ELFN1: variants seen among roughly 807,000 people sequenced by gnomAD.
The protein encoded by ELFN1 is extracellular leucine rich repeat and fibronectin type III domain containing 1, also known as protein ELFN1.
In ELFN1, 6 loss-of-function variants were observed where a neutral mutation model predicts 7.6. The ratio of observed to expected loss-of-function variants is 0.79; its 90% CI spans 0.43 to 1.56. The LOEUF is 1.56. ELFN1 is among the 40% of genes most tolerant of loss of function. The pLI is 0.01. For missense variants in ELFN1, 1,169 were observed against 1,232.2 expected (o/e 0.95, Z 0.77); for synonymous variants, 657 against 588.1 (o/e 1.12, Z -1.70).
intron 2 of ELFN1, among the ~76,000 whole-genome samples, chr7:1,703,756 G>C (rs879351283): frequency 6.6e-6 from 1 of 152,198 alleles, no homozygotes; most frequent in African/African-American, 2.4e-5. Context: ...GGCAGCCTCT[G>C]CCTGAGTTTC....
chr7:1,708,408 C>A (rs1250542100), intron 2 of ELFN1, among the ~76,000 whole-genome samples: 1 of 152,200 alleles, frequency 6.6e-6, no homozygotes, highest in Non-Finnish European at 1.5e-5. Flanking sequence ...CACTGACCAG[C>A]CCAAGGTCTG....
In ELFN1 at chr7:1,681,911, A is replaced by T. The variant is rs557572799; in HGVS notation, c.-548-6147A>T. On this transcript the variant is annotated intron_variant, in intron 1 of 3. Coordinates refer to ENST00000424383, the MANE Select transcript of ELFN1 (RefSeq NM_001128636.4). ...ATATTTCTTCTTTGATAAAATGTCT[A>T]TTCAAATCTCTTGCCCATATTTAAT... 4.6e-5 allele frequency among the ~76,000 whole-genome samples: 7 copies of T among 152,302 alleles called. No individual in the cohort carries two copies. The South Asian group carries it at 1.5e-3, about 32-fold the overall frequency.
chr7:1,666,507 G>A (rs193122329), upstream of ELFN1, among the ~76,000 whole-genome samples: 11 of 152,180 alleles, frequency 7.2e-5, no homozygotes, highest in African/African-American at 2.4e-4. This position sits in a 1 kb window ranked among gnomAD's most constrained non-coding sequence, Gnocchi z 7.9. Context: ...AGCCTGGGCC[G>A]GACAAACTTC....
intron 3 of ELFN1, among the ~76,000 whole-genome samples, chr7:1,718,775 C>T (rs563119957): frequency 1.3e-5 from 2 of 152,206 alleles, no homozygotes; most frequent in South Asian, 2.1e-4. Flanking sequence ...CCTCCCTGGC[C>T]GTGTTGGTTC....
chr7:1,670,240 G>T (rs1778736865), upstream of ELFN1, among the ~76,000 whole-genome samples: 2 of 151,568 alleles, frequency 1.3e-5, no homozygotes, highest in African/African-American at 4.8e-5. This position sits in a 1 kb window ranked among gnomAD's most constrained non-coding sequence, Gnocchi z 6.4. Context: ...GCGGGGCCGC[G>T]CGCGCAGATC....
At chr7:1,736,860 G>A (rs1780461856) in intron 3 of ELFN1, among the ~76,000 whole-genome samples, 1 of 152,128 alleles carries the variant, frequency 6.6e-6, no homozygotes, top group African/African-American at 2.4e-5. Context: ...ACGGGAGAGG[G>A]TCTCCCAGGA....
chr7:1,705,347 G>A lies in ELFN1; in HGVS notation c.-455-3744G>A, dbSNP rs1458999955. ...ATTTGTTTTGCTGATATAAGTGTTT[G>A]AAATGCAAATGTCAAGTTTGGGCGC... On this transcript the variant is annotated intron_variant, in intron 2 of 3. Transcript: ENST00000424383. This position sits in a 1 kb window ranked among gnomAD's most constrained non-coding sequence, Gnocchi z 4.3. 6.6e-6 allele frequency among the ~76,000 whole-genome samples: 1 copy of A among 152,244 alleles called. No homozygotes were observed. Among genetic ancestry groups the A allele is most frequent in the Non-Finnish European group, 1.5e-5 (1 of 68,044 alleles).
At chr7:1,679,481 C>A (rs138727563) in intron 1 of ELFN1, among the ~76,000 whole-genome samples, 2,197 of 152,268 alleles carry the variant, frequency 0.014, 30 homozygotes, top group Non-Finnish European at 0.019. Flanking sequence ...CTGCAGGTTG[C>A]TGGCTGAGGG....
rs1039986024 is a variant in ELFN1, at chr7:1,695,170, G to A, written c.-456+7020G>A. ...TGGCTCCAGAGCTCATGCGCAGCCCGCTGGGGCTGTGAGGGTTCTGTCCAT... is the reference window on the plus strand; with the variant it reads ...TGGCTCCAGAGCTCATGCGCAGCCCACTGGGGCTGTGAGGGTTCTGTCCAT... On this transcript the variant is annotated intron_variant, in intron 2 of 3. Coordinates refer to ENST00000424383, the MANE Select transcript of ELFN1 (RefSeq NM_001128636.4). This position sits in a 1 kb window ranked among gnomAD's most constrained non-coding sequence, Gnocchi z 5.1. Among the ~76,000 whole-genome samples, 12 of 152,200 alleles carry A rather than the reference G, an allele frequency of 7.9e-5. No homozygotes were observed. The highest frequency in any genetic ancestry group is 2.6e-4 in the Admixed American group (4 of 15,282).
In ELFN1 at chr7:1,747,116, A is replaced by G; in HGVS notation, c.*33A>G. 4 of 1,439,554 alleles carry G rather than the reference A, an allele frequency of 2.8e-6. No individual in the cohort carries two copies. Among genetic ancestry groups the G allele is most frequent in the African/African-American group, 1.5e-5 (1 of 68,964 alleles). The allele number at this position is 1,439,554 out of a possible 1,614,324, so 89.2% of individuals were successfully genotyped here. Reference sequence around the variant, plus strand: ...AAGACCGGCGATGCCCACTGGACCAAAAAGGATGCAGGATCCACCCAGAGA... The same window carrying G: ...AAGACCGGCGATGCCCACTGGACCAGAAAGGATGCAGGATCCACCCAGAGA... On this transcript the variant is annotated 3_prime_UTR_variant, in exon 4 of 4. Transcript: ENST00000424383.
At chr7:1,726,361 G>A (rs1037579183) in intron 3 of ELFN1, among the ~76,000 whole-genome samples, 1 of 152,218 alleles carries the variant, frequency 6.6e-6, no homozygotes, top group African/African-American at 2.4e-5. Flanking sequence ...GCCCTTTGAA[G>A]CCTAAATGAG....
intron 3 of ELFN1, among the ~76,000 whole-genome samples, chr7:1,738,013 A>T (rs1381356039): frequency 2.0e-5 from 3 of 152,184 alleles, no homozygotes; most frequent in Admixed American, 2.0e-4. Context: ...CAGTCCTGGG[A>T]CAGGCAGATG....
intron 1 of ELFN1, among the ~76,000 whole-genome samples, chr7:1,674,282 G>T (rs1583305344): frequency 1.3e-5 from 2 of 152,172 alleles, no homozygotes; most frequent in African/African-American, 4.8e-5. Context: ...ATGGAGGCTG[G>T]TCCACACAGC....
chr7:1,724,441 T>C (rs1050125850), intron 3 of ELFN1, among the ~76,000 whole-genome samples: 5 of 152,146 alleles, frequency 3.3e-5, no homozygotes, highest in Non-Finnish European at 7.4e-5. Flanking sequence ...GCTGGCTACG[T>C]GGGTGTGAGT....
rs758037742 is a variant in ELFN1 at position 1,744,797 on chromosome 7, C to T, written c.201C>T (p.Leu67=). The T allele has an allele frequency of 4.5e-6, 7 of 1,557,912 alleles. No individual in the cohort carries two copies. Among genetic ancestry groups the T allele is most frequent in the Non-Finnish European group, 5.2e-6 (6 of 1,150,296 alleles). ...QINSTIVDLR[L]NENRIRSVQY... Reference sequence around the variant, plus strand: ...ACAGCACCATCGTGGACCTGCGGCTCAACGAGAACCGTATCCGCAGCGTGC... The same window carrying T: ...ACAGCACCATCGTGGACCTGCGGCTTAACGAGAACCGTATCCGCAGCGTGC... Residue 67 remains leucine, a synonymous_variant, in exon 4 of 4, where the codon CTC becomes CTT. Transcript: ENST00000424383.
intron 3 of ELFN1, among the ~76,000 whole-genome samples, chr7:1,736,362 G>C (rs960724148): frequency 1.3e-5 from 2 of 152,084 alleles, no homozygotes; most frequent in Admixed American, 1.3e-4. Context: ...CCCCGGCCCC[G>C]GCCCCACACC....
chr7:1,736,684 C>T (rs1780457199), intron 3 of ELFN1, among the ~76,000 whole-genome samples: 1 of 152,180 alleles, frequency 6.6e-6, no homozygotes, highest in African/African-American at 2.4e-5. Context: ...CCAGGCGCCG[C>T]ACACAATCCC....
chr7:1,732,843 C>T (rs570177467), intron 3 of ELFN1, among the ~76,000 whole-genome samples: 13 of 152,128 alleles, frequency 8.5e-5, no homozygotes, highest in East Asian at 3.9e-4. Flanking sequence ...GTGGGGACGG[C>T]GCTGAACAAG....
In ELFN1 at chr7:1,744,260, TTCTCTCTTGTCCCCTGACCGCTGTCTTC is replaced by T. The variant is rs1415052936; in HGVS notation, c.-293-38_-293-11del. The T allele has an allele frequency of 4.7e-5, 6 of 128,124 alleles. No homozygotes were observed. The highest frequency in any genetic ancestry group is 8.4e-5 in the Non-Finnish European group (6 of 71,510). 7.9% of individuals were successfully genotyped at this position (128,124 alleles called of 1,614,324 possible). A position where few individuals can be genotyped will look rare whatever the true frequency, so the allele number is the denominator to read the frequency against. On this transcript the variant is annotated splice_polypyrimidine_tract_variant and intron_variant, in intron 3 of 3. Transcript: ENST00000424383. ...TGCCGGCCGTCCCCTGACCGCTGTCTTCTCTCTTGTCCCCTGACCGCTGTCTTCTCTCTTGTCTTGCAGCAGGAACGTC... is the reference window on the plus strand; with the variant it reads ...TGCCGGCCGTCCCCTGACCGCTGTCTTCTCTTGTCTTGCAGCAGGAACGTC...
Sources: allele counts gnomAD v4.1 joint callset (sites outside exome capture counted in the v4.1 genomes callset), GRCh38; gene constraint gnomAD v4.1.1; non-coding constraint Gnocchi (gnomAD v3.1); transcripts MANE v1.5; gene names NCBI Gene and HGNC (gene_info 2026-07-23, HGNC 2026-07-21).